The following DNAAF9 variants were observed in gnomAD, a reference collection of about 807,000 sequenced individuals.
DNAAF9 encodes the protein shulin.
A neutral mutation model predicts 167.0 loss-of-function variants in DNAAF9; 90 were observed. That is an observed-to-expected ratio of 0.54 (90% CI 0.45 to 0.64). The LOEUF (loss-of-function observed/expected upper bound fraction) is 0.64. Among genes scored for constraint, DNAAF9 ranks in the 30% least tolerant of loss-of-function variants. The pLI, the probability that DNAAF9 is intolerant of heterozygous loss-of-function variation, is 0.00. For missense variants in DNAAF9, 1,315 were observed against 1,442.2 expected (o/e 0.91, Z 1.43); for synonymous variants, 491 against 508.8 (o/e 0.96, Z 0.47).
chr20:3,374,305 G>T, intron 5 of DNAAF9, 151 bp from the exon 6 acceptor site: 4 of 496,462 alleles, frequency 8.1e-6, no homozygotes, highest in Non-Finnish European at 1.4e-5. Context: ...AAAATGGTTA[G>T]ATATTGAAAC....
intron 25 of DNAAF9, among the ~76,000 whole-genome samples, chr20:3,291,042 G>C (rs1032097455): frequency 6.6e-6 from 1 of 152,062 alleles, no homozygotes; most frequent in Non-Finnish European, 1.5e-5. Context: ...ACCCGCCTTG[G>C]CCTCCCAAAG....
intron 8 of DNAAF9, among the ~76,000 whole-genome samples, chr20:3,344,669 C>G (rs2070160446): frequency 6.6e-6 from 1 of 151,390 alleles, no homozygotes; most frequent in Non-Finnish European, 1.5e-5. Context: ...TAAATTTAAT[C>G]TGCAGCTCTG....
At chr20:3,314,125 G>A (rs1471212912) in intron 20 of DNAAF9, among the ~76,000 whole-genome samples, 1 of 152,196 alleles carries the variant, frequency 6.6e-6, no homozygotes, top group Non-Finnish European at 1.5e-5. Context: ...GACATGGAGA[G>A]AACTATGTTC....
chr20:3,294,756 C>A, intron 23 of DNAAF9, 127 bp from the exon 24 acceptor site: 1 of 627,958 alleles, frequency 1.6e-6, no homozygotes, highest in South Asian at 2.0e-5. Flanking sequence ...ACACACATCT[C>A]AGACTTAAAC....
chr20:3,298,540 A>G (rs933305513), intron 21 of DNAAF9, among the ~76,000 whole-genome samples: 2 of 151,760 alleles, frequency 1.3e-5, no homozygotes, highest in African/African-American at 4.8e-5. Context: ...GGCTGGTCTC[A>G]AACTCCTGGT....
chr20:3,307,967 TA>T (rs367851853), intron 20 of DNAAF9, among the ~76,000 whole-genome samples: 2,141 of 123,432 alleles, frequency 0.017, 23 homozygotes, highest in Non-Finnish European at 0.025. Context: ...ACACAAGGTT[TA>T]AAAAAAAAAA....
intron 16 of DNAAF9, among the ~76,000 whole-genome samples, chr20:3,319,651 C>A (rs534163613): frequency 3.9e-5 from 6 of 152,040 alleles, no homozygotes. Flanking sequence ...CCTGTCCCAC[C>A]CCTTAGGACA....
At chr20:3,349,669 G>A (rs1480606707) in intron 7 of DNAAF9, among the ~76,000 whole-genome samples, 1 of 152,028 alleles carries the variant, frequency 6.6e-6, no homozygotes, top group Admixed American at 6.5e-5. Context: ...CATCCCAGCT[G>A]CTTTTTAGCA....
At chr20:3,285,363 A>G (rs2068832953) in intron 27 of DNAAF9, among the ~76,000 whole-genome samples, 2 of 152,066 alleles carry the variant, frequency 1.3e-5, no homozygotes, top group South Asian at 2.1e-4. Context: ...CCTGGGCAAC[A>G]TAGGGAGACC....
rs558492142 is a variant in DNAAF9 at position 3,319,040 on chromosome 20, G to A, written c.1357-640C>T. 1.6e-4 allele frequency among the ~76,000 whole-genome samples: 21 copies of A among 135,056 alleles called. No individual in the cohort carries two copies. The South Asian group carries it at 2.8e-3, about 18-fold the overall frequency. The allele number at this position is 135,056 out of a possible 152,430, so 88.6% of individuals were successfully genotyped here. ...GGAGGCTGCAGTGAGCTGAGATCGC[G>A]CCACTGAACTCCAGCCTGGGCAACA... On this transcript the variant is annotated intron_variant, in intron 16 of 36. Coordinates refer to ENST00000252032, the MANE Select transcript of DNAAF9 (RefSeq NM_001009984.3).
chr20:3,287,694 G>C lies in DNAAF9; in HGVS notation c.2424C>G (p.Asn808Lys). ...YLSSALEAQQ[N>K]RSARQSAYIR... is the part of the protein sequence containing the mutation. ...TGTAGGCTGACTGGCGCGCAGAGCG[G>C]TTCTGCTGGGCCTCTAGGGCACTGG... Residue 808 changes from asparagine to lysine, a missense_variant, in exon 27 of 37, where the codon AAC (asparagine) becomes AAG (lysine). Around this residue, in one of 2 missense-constraint regions of DNAAF9, gnomAD observed 981 missense variants for 1,012.5 expected, o/e 0.97. Coordinates refer to ENST00000252032, the MANE Select transcript of DNAAF9 (RefSeq NM_001009984.3). 2 of 1,614,240 alleles carry C rather than the reference G, an allele frequency of 1.2e-6. No individual in the cohort carries two copies. The highest frequency in any genetic ancestry group is 8.5e-7 in the Non-Finnish European group (1 of 1,180,030).
In DNAAF9 at chr20:3,315,150, C is replaced by A. The variant is rs1231488779; in HGVS notation, c.1591-30G>T. 3.1e-6 allele frequency: 4 copies of A among 1,310,320 alleles called. No individual in the cohort carries two copies. Among genetic ancestry groups the A allele is most frequent in the Middle Eastern group, 1.8e-4 (1 of 5,440 alleles). The allele number at this position is 1,310,320 out of a possible 1,614,324, so 81.2% of individuals were successfully genotyped here. On this transcript the variant is annotated intron_variant, in intron 19 of 36. Transcript: ENST00000252032. This position sits in a 1 kb window ranked among gnomAD's most constrained non-coding sequence, Gnocchi z 4.1. Reference sequence around the variant, plus strand: ...AAAAACAACAACAAAAACAAAAATCCAAAAAAGAATAGGTGATTTATAGCA... The same window carrying A: ...AAAAACAACAACAAAAACAAAAATCAAAAAAAGAATAGGTGATTTATAGCA...
intron 1 of DNAAF9, 109 bp from the exon 2 acceptor site, chr20:3,382,615 G>A (rs1288780996): frequency 1.2e-6 from 1 of 818,562 alleles, no homozygotes; most frequent in East Asian, 2.6e-5. Flanking sequence ...GACTTTGCTG[G>A]GGATGGAAAT....
intron 7 of DNAAF9, 22 bp from the exon 8 acceptor site, chr20:3,348,645 T>C (rs773367757): frequency 6.7e-7 from 1 of 1,497,274 alleles, no homozygotes; most frequent in Admixed American, 1.8e-5. Flanking sequence ...AGGAAAAAGA[T>C]AACGTGTTTG....
chr20:3,362,422 A>G (rs1475693900), intron 6 of DNAAF9: 7 of 429,692 alleles, frequency 1.6e-5, no homozygotes, highest in Admixed American at 4.2e-5. Context: ...TACATTTTAC[A>G]TTCCAATTTG....
chr20:3,402,765 G>A (rs1170238216), intron 1 of DNAAF9, among the ~76,000 whole-genome samples: 1 of 151,822 alleles, frequency 6.6e-6, no homozygotes, highest in Non-Finnish European at 1.5e-5. Context: ...TTTGAACTTT[G>A]TAAAGATGGG....
chr20:3,286,700 G>A (rs1017900504), intron 27 of DNAAF9, among the ~76,000 whole-genome samples: 5 of 152,140 alleles, frequency 3.3e-5, no homozygotes, highest in African/African-American at 1.2e-4. Context: ...CGTCCCACCT[G>A]CCTCCTTCCT....
At chr20:3,257,417 T>C (rs2068300084) in intron 33 of DNAAF9, among the ~76,000 whole-genome samples, 2 of 151,644 alleles carry the variant, frequency 1.3e-5, no homozygotes, top group African/African-American at 4.8e-5. Flanking sequence ...GAGGCTGAGG[T>C]AGGATGATCG....
At chr20:3,407,330 G>T in intron 1 of DNAAF9, 145 bp downstream of exon 1, 2 of 656,098 alleles carry the variant, frequency 3.0e-6, no homozygotes, top group Non-Finnish European at 4.3e-6. Context: ...GCCGTTCCTG[G>T]GAAAAATTCC....
Sources: allele counts gnomAD v4.1 joint callset (sites outside exome capture counted in the v4.1 genomes callset), GRCh38; gene constraint gnomAD v4.1.1; regional missense constraint gnomAD v4.1.1; non-coding constraint Gnocchi (gnomAD v3.1); transcripts MANE v1.5; gene names NCBI Gene and HGNC (gene_info 2026-07-23, HGNC 2026-07-21).